IL1RL1: variants seen among roughly 807,000 people sequenced by gnomAD.
The protein encoded by IL1RL1 is interleukin-1 receptor-like 1.
In IL1RL1, 32 loss-of-function variants were observed where a neutral mutation model predicts 50.9. The observed-to-expected ratio is 0.63, with a 90% CI of 0.47 to 0.84. The LOEUF (loss-of-function observed/expected upper bound fraction) is 0.84. IL1RL1 is among the 40% of genes least tolerant of loss of function. The pLI is 0.00. For missense variants in IL1RL1, 773 were observed against 662.9 expected, an observed-to-expected ratio of 1.17 and a Z score of -1.82; for synonymous variants, 275 against 236.0, an observed-to-expected ratio of 1.17 and a Z score of -1.51.
chr2:102,321,104 T>C (rs558200414), intron 1 of IL1RL1, among the ~76,000 whole-genome samples: 90 of 152,360 alleles, frequency 5.9e-4, no homozygotes, highest in African/African-American at 1.9e-3. Flanking sequence ...TGGACTTTCA[T>C]GCTGCCTGCC....
intron 1 of IL1RL1, among the ~76,000 whole-genome samples, chr2:102,312,151 G>A (rs1676536549): frequency 7.8e-6 from 1 of 128,130 alleles, no homozygotes; most frequent in Admixed American, 9.7e-5. Flanking sequence ...TTCACTCAAT[G>A]ACAGAGGGAA....
At chr2:102,317,687 C>T (rs1057500833) in intron 1 of IL1RL1, among the ~76,000 whole-genome samples, 1 of 152,016 alleles carries the variant, frequency 6.6e-6, no homozygotes, top group African/African-American at 2.4e-5. Context: ...AGTAAACACA[C>T]ATTTGGAGAG....
rs116272080 is a variant in IL1RL1, at chr2:102,348,030, G to A, written c.1056G>A (p.Met352Ile). Reference sequence around the variant, plus strand: ...ATGTCCTGGTTATCATCCTAAAAATGTTCTGGATTGAGGCCACTCTGCTCT... The same window carrying A: ...ATGTCCTGGTTATCATCCTAAAAATATTCTGGATTGAGGCCACTCTGCTCT... ...LINVLVIILK[M>I]FWIEATLLWR... Residue 352 changes from methionine to isoleucine, a missense_variant, in exon 9 of 11, where the codon ATG becomes ATA. By Grantham distance (10) the Met-to-Ile change is conservative. Transcript: ENST00000233954. 747 of 1,609,030 alleles carry A rather than the reference G, an allele frequency of 4.6e-4. No individual in the cohort carries two copies. The African/African-American group carries it at 9.0e-3, about 19-fold the overall frequency.
At chr2:102,314,754 T>C (rs1364700680) in intron 1 of IL1RL1, among the ~76,000 whole-genome samples, 2 of 152,172 alleles carry the variant, frequency 1.3e-5, no homozygotes, top group African/African-American at 4.8e-5. Flanking sequence ...TTAGAGAAAG[T>C]ATGAAAATAC....
rs139260265 is a variant in IL1RL1, at chr2:102,349,151, T to C, written c.1190T>C (p.Val397Ala). 4.3e-5 allele frequency: 70 copies of C among 1,613,408 alleles called. No homozygotes were observed. In the African/African-American group the frequency reaches 8.5e-4, roughly 20 times the overall value. Residue 397 changes from valine to alanine, a missense_variant, in exon 10 of 11, where the codon GTA becomes GCA. Coordinates refer to ENST00000233954, the MANE Select transcript of IL1RL1 (RefSeq NM_016232.5). ...TCCAGTACAGATGGGGCCAGTCGTG[T>C]AGAGCACTTTGTTCACCAGATTCTG... ...YKSSTDGASR[V>A]EHFVHQILPD...
At chr2:102,315,347 G>A (rs964302213) in intron 1 of IL1RL1, among the ~76,000 whole-genome samples, 3 of 152,288 alleles carry the variant, frequency 2.0e-5, no homozygotes, top group African/African-American at 7.2e-5. Context: ...GGGGCATTAT[G>A]ATCAGAAAAT....
At chr2:102,341,457 C>T in intron 5 of IL1RL1, 1 of 567,174 alleles carries the variant, frequency 1.8e-6, no homozygotes, top group South Asian at 3.6e-5. Context: ...TATCAATCTA[C>T]AAAGGATTGG....
chr2:102,320,337 G>A (rs773073199), intron 1 of IL1RL1, among the ~76,000 whole-genome samples: 8 of 152,058 alleles, frequency 5.3e-5, no homozygotes, highest in Non-Finnish European at 8.8e-5. Flanking sequence ...AGGGAAGGAT[G>A]AACACTTATT....
chr2:102,346,537 C>T (rs868523690), intron 8 of IL1RL1, among the ~76,000 whole-genome samples: 18 of 152,296 alleles, frequency 1.2e-4, no homozygotes, highest in African/African-American at 3.1e-4. Flanking sequence ...TACTTGGAAG[C>T]GTCCAGCCAA....
chr2:102,314,340 A>G (rs1032151667), intron 1 of IL1RL1, among the ~76,000 whole-genome samples: 8 of 152,216 alleles, frequency 5.3e-5, no homozygotes, highest in Non-Finnish European at 7.3e-5. Flanking sequence ...CTACAGCAAG[A>G]CTAAACATGG....
At chr2:102,321,933 T>C (rs1053633500) in intron 1 of IL1RL1, among the ~76,000 whole-genome samples, 2 of 152,196 alleles carry the variant, frequency 1.3e-5, no homozygotes, top group African/African-American at 4.8e-5. Context: ...GTCTGATTAG[T>C]CTTGTCATTG....
Position 102,311,998 on chromosome 2 carries a change from TATATTTATATATA to T in IL1RL1, c.-150+376_-150+388del, listed in dbSNP as rs1457650781. 2.4e-3 allele frequency among the ~76,000 whole-genome samples: 69 copies of T among 28,382 alleles called. 1 individual carries two copies. The highest frequency in any genetic ancestry group is 6.9e-3 in the East Asian group (10 of 1,454). 18.6% of individuals were successfully genotyped at this position (28,382 alleles called of 152,430 possible). A position where few individuals can be genotyped will look rare whatever the true frequency, so the allele number is the denominator to read the frequency against. ...TATATATAATATATATTATATATAA[TATATTTATATATA>T]TTATATATAATATATATTATATATT... On this transcript the variant is annotated intron_variant, in intron 1 of 10. Coordinates refer to ENST00000233954, the MANE Select transcript of IL1RL1 (RefSeq NM_016232.5).
chr2:102,346,046 G>C, intron 8 of IL1RL1: 1 of 978,580 alleles, frequency 1.0e-6, no homozygotes, highest in African/African-American at 1.7e-5. Context: ...AATCAACATG[G>C]TTACACTCTG....
chr2:102,340,203 A>T lies in IL1RL1; in HGVS notation c.378A>T (p.Glu126Asp), dbSNP rs1677494458. ...TGTATTCAACAGTATCTGGATCAGA[A>T]AAAAATTCCAAAATTTATTGTCCTA... The part of the protein sequence containing the change: ...YLMYSTVSGS[E>D]KNSKIYCPTI... Residue 126 changes from glutamate (E) to aspartate (D), a missense_variant, in exon 4 of 11, where the codon GAA becomes GAT. Glu to Asp is a conservative substitution (Grantham distance 45). Coordinates refer to ENST00000233954, the MANE Select transcript of IL1RL1 (RefSeq NM_016232.5). The T allele has an allele frequency of 6.2e-7, 1 of 1,606,332 alleles. No homozygotes were observed. Among genetic ancestry groups the T allele is most frequent in the Non-Finnish European group, 8.5e-7 (1 of 1,177,678 alleles).
At chr2:102,331,808 C>A (rs1677186360) in intron 1 of IL1RL1, among the ~76,000 whole-genome samples, 1 of 152,100 alleles carries the variant, frequency 6.6e-6, no homozygotes, top group East Asian at 1.9e-4. Context: ...TGACTCAAGC[C>A]TGTAATCCCA....
chr2:102,320,106 T>A (rs1461445343), intron 1 of IL1RL1, among the ~76,000 whole-genome samples: 4 of 152,240 alleles, frequency 2.6e-5, no homozygotes, highest in African/African-American at 9.6e-5. Flanking sequence ...TTAGGTTTTG[T>A]CCTGCATTAT....
downstream of IL1RL1, among the ~76,000 whole-genome samples, chr2:102,352,256 G>A (rs72823661): frequency 0.45 from 66,654 of 148,324 alleles, 17,171 homozygotes; most frequent in African/African-American, 0.7. Context: ...TCAATAATCT[G>A]AATAGCAAAC....
At position 102,340,701 on chromosome 2, in the gene IL1RL1, G is replaced by A. The variant is rs142878092; in HGVS notation, c.483G>A (p.Ala161=). Residue 161 remains alanine, a synonymous_variant, in exon 5 of 11, where the codon GCG becomes GCA. Transcript: ENST00000233954. Reference sequence around the variant, plus strand: ...CTCTTCAAGGATCAAGGTACAGGGCGCACAAGTCATTTTTGGTCATTGATA... The same window carrying A: ...CTCTTCAAGGATCAAGGTACAGGGCACACAAGTCATTTTTGGTCATTGATA... ...CQALQGSRYR[A]HKSFLVIDNV... 55 of 1,598,642 alleles carry A rather than the reference G, an allele frequency of 3.4e-5. No homozygotes were observed. In the African/African-American group the frequency reaches 5.4e-4, roughly 16 times the overall value.
At chr2:102,336,790 G>A (rs1173929365) in intron 1 of IL1RL1, among the ~76,000 whole-genome samples, 3 of 152,018 alleles carry the variant, frequency 2.0e-5, no homozygotes, top group Admixed American at 6.5e-5. Context: ...CTGGAACCTA[G>A]ACAGAGAATT....
Sources: gnomAD v4.1 joint callset for allele counts (sites outside exome capture counted in the v4.1 genomes callset) on GRCh38, gnomAD v4.1.1 for gene constraint, MANE v1.5 for transcripts, NCBI Gene and HGNC (gene_info 2026-07-23, HGNC 2026-07-21) for gene names.